Variants in DLG1 observed in about 807,000 individuals in gnomAD.
The protein encoded by DLG1 is disks large homolog 1.
A neutral mutation model predicts 123.4 loss-of-function variants in DLG1; 42 were observed. The observed-to-expected ratio is 0.34, with a 90% CI of 0.27 to 0.44. DLG1 has a LOEUF of 0.44. Among genes scored for constraint, DLG1 ranks in the 20% least tolerant of loss-of-function variants. The pLI is 1.00. For missense variants in DLG1, 942 were observed against 1,082.6 expected (o/e 0.87, Z 1.82); for synonymous variants, 317 against 356.2 (o/e 0.89, Z 1.24).
intron 5 of DLG1, among the ~76,000 whole-genome samples, chr3:197,163,516 T>C (rs1157802806): frequency 2.0e-5 from 3 of 150,636 alleles, no homozygotes; most frequent in Non-Finnish European, 4.4e-5. Flanking sequence ...ATACACACAA[T>C]GGGTATGATT....
In DLG1 at chr3:197,140,274, G is replaced by C. The variant is rs372920110; in HGVS notation, c.589-10C>G. ...CAAGCCCTGAATTTCCCTGAGGATAGAAGAAAAAAAATTGAGACTGAATAT... is the reference window on the plus strand; with the variant it reads ...CAAGCCCTGAATTTCCCTGAGGATACAAGAAAAAAAATTGAGACTGAATAT... On this transcript the variant is annotated splice_polypyrimidine_tract_variant and intron_variant, in intron 7 of 24. Coordinates refer to ENST00000667157, the MANE Select transcript of DLG1 (RefSeq NM_001366207.1). 8.9e-5 allele frequency: 143 copies of C among 1,605,916 alleles called. No individual in the cohort carries two copies. The highest frequency in any genetic ancestry group is 1.1e-4 in the Non-Finnish European group (133 of 1,177,096).
chr3:197,057,000 AT>A (rs1416762282), intron 23 of DLG1, among the ~76,000 whole-genome samples: 1 of 152,180 alleles, frequency 6.6e-6, no homozygotes, highest in Non-Finnish European at 1.5e-5. Context: ...AGAATGTTTC[AT>A]TGTGAACATG....
chr3:197,164,220 T>C (rs1195149861), intron 5 of DLG1, among the ~76,000 whole-genome samples: 4 of 150,920 alleles, frequency 2.7e-5, no homozygotes, highest in African/African-American at 7.3e-5. Flanking sequence ...TGAAACTCCA[T>C]CTCTACTAAA....
chr3:197,258,150 G>C (rs1757669746), intron 4 of DLG1, among the ~76,000 whole-genome samples: 1 of 151,520 alleles, frequency 6.6e-6, no homozygotes, highest in South Asian at 2.1e-4. Flanking sequence ...ATCCAGAAGA[G>C]TATTTTTTTT....
At chr3:197,273,804 A>C (rs749823121) in intron 4 of DLG1, among the ~76,000 whole-genome samples, 2 of 151,240 alleles carry the variant, frequency 1.3e-5, no homozygotes, top group East Asian at 1.9e-4. Context: ...ACACCAAACA[A>C]TCCAAAAAAG....
intron 13 of DLG1, among the ~76,000 whole-genome samples, chr3:197,111,755 G>A (rs1370672677): frequency 6.6e-6 from 1 of 152,122 alleles, no homozygotes; most frequent in East Asian, 1.9e-4. Flanking sequence ...ACCTGCTCTT[G>A]ATTATCATGT....
At chr3:197,293,064 G>A (rs1741949) in intron 3 of DLG1, among the ~76,000 whole-genome samples, 85,788 of 151,996 alleles carry the variant, frequency 0.56, 24,745 homozygotes, top group East Asian at 0.78. Flanking sequence ...ACCATATCCC[G>A]TCTACTCAAA....
chr3:197,139,039 TTTATA>T (rs1479160900), intron 8 of DLG1, among the ~76,000 whole-genome samples: 5 of 152,198 alleles, frequency 3.3e-5, no homozygotes, highest in Non-Finnish European at 7.4e-5. Flanking sequence ...TTTTTTGAAA[TTTATA>T]TAAAGATTAG....
At chr3:197,245,414 A>G (rs1160287208) in intron 4 of DLG1, among the ~76,000 whole-genome samples, 2 of 152,184 alleles carry the variant, frequency 1.3e-5, no homozygotes, top group Non-Finnish European at 2.9e-5. Context: ...GGTATAATCA[A>G]TTTGGATACT....
chr3:197,093,475 G>C (rs1203430344), intron 14 of DLG1, among the ~76,000 whole-genome samples: 2 of 151,668 alleles, frequency 1.3e-5, no homozygotes, highest in Admixed American at 6.6e-5. Context: ...TTAAACAGTA[G>C]AATACACATT....
rs554037430 is a variant in DLG1 at position 197,229,073 on chromosome 3, C to A, written c.319-34484G>T. Among the ~76,000 whole-genome samples, 3 of 152,278 alleles carry A rather than the reference C, an allele frequency of 2.0e-5. No individual in the cohort carries two copies. In the South Asian group the frequency reaches 6.2e-4, roughly 32 times the overall value. ...CCAATCGAGGAAAAGAGTCTACGGG[C>A]ATCTAGTGGGTAGAAGCCAGGGATG... is the stretch of plus-strand genomic sequence containing the variant. On this transcript the variant is annotated intron_variant, in intron 4 of 24. Transcript: ENST00000667157.
intron 5 of DLG1, among the ~76,000 whole-genome samples, chr3:197,162,743 G>T (rs1222607561): frequency 6.6e-6 from 1 of 152,060 alleles, no homozygotes; most frequent in Non-Finnish European, 1.5e-5. Context: ...CTAAATATGA[G>T]ATTTGAAAAC....
At chr3:197,054,302 G>A (rs1730088450) in intron 23 of DLG1, among the ~76,000 whole-genome samples, 1 of 144,316 alleles carries the variant, frequency 6.9e-6, no homozygotes, top group South Asian at 2.3e-4. Flanking sequence ...GATGTTTTTG[G>A]CCATTATTTC....
chr3:197,265,780 G>A lies in DLG1; in HGVS notation c.318+16899C>T, dbSNP rs185253319. On this transcript the variant is annotated intron_variant, in intron 4 of 24. Coordinates refer to ENST00000667157, the MANE Select transcript of DLG1 (RefSeq NM_001366207.1). ...AAAAAGCTTAAAAGCAGCCAGGCGC[G>A]GTGGCTCACACCTGTAATCCCAGCA... is the stretch of plus-strand genomic sequence containing the variant. Among the ~76,000 whole-genome samples the A allele has an allele frequency of 6.0e-3, 912 of 152,270 alleles. 15 individuals are homozygous for A. In the South Asian group the frequency reaches 0.077, roughly 13 times the overall value.
chr3:197,288,183 G>A (rs1407356655), intron 3 of DLG1, among the ~76,000 whole-genome samples: 1 of 151,674 alleles, frequency 6.6e-6, no homozygotes, highest in African/African-American at 2.4e-5. Flanking sequence ...GGCCAACATG[G>A]TGAAACCCTG....
chr3:197,073,821 T>C (rs1054214696), intron 18 of DLG1, among the ~76,000 whole-genome samples: 3 of 152,258 alleles, frequency 2.0e-5, no homozygotes, highest in Admixed American at 6.5e-5. Context: ...TTTCTTGATA[T>C]TCAGTGTTAT....
chr3:197,177,561 G>A (rs540490341), intron 5 of DLG1, among the ~76,000 whole-genome samples: 2 of 152,168 alleles, frequency 1.3e-5, no homozygotes, highest in South Asian at 4.2e-4. Context: ...ATCTAGGATG[G>A]TCCAAGATGG....
intron 4 of DLG1, among the ~76,000 whole-genome samples, chr3:197,212,212 A>G (rs1261893465): frequency 6.8e-6 from 1 of 146,224 alleles, no homozygotes; most frequent in East Asian, 2.0e-4. Flanking sequence ...CCTGAACCTA[A>G]AAGTTTTAAA....
intron 18 of DLG1, 57 bp downstream of exon 18, chr3:197,076,529 G>T: frequency 7.4e-7 from 1 of 1,345,498 alleles, no homozygotes; most frequent in South Asian, 1.3e-5. Flanking sequence ...ACCAACTGCA[G>T]GGCAGTAGGT....
Sources: allele counts gnomAD v4.1 joint callset (sites outside exome capture counted in the v4.1 genomes callset), GRCh38; gene constraint gnomAD v4.1.1; transcripts MANE v1.5; gene names NCBI Gene and HGNC (gene_info 2026-07-23, HGNC 2026-07-21).